MAGI1: variants seen among roughly 807,000 people sequenced by gnomAD.
MAGI1 encodes the protein membrane-associated guanylate kinase, WW and PDZ domain-containing protein 1.
A neutral mutation model predicts 139.9 loss-of-function variants in MAGI1; 58 were observed. The ratio of observed to expected loss-of-function variants is 0.41; its 90% CI spans 0.34 to 0.52. The LOEUF (loss-of-function observed/expected upper bound fraction) is 0.52, where lower values mean the gene tolerates loss of function less well. MAGI1 is among the 20% of genes least tolerant of loss of function. The pLI is 0.12. For synonymous variants in MAGI1, 812 were observed against 737.9 expected (o/e 1.10, Z -1.63); for missense variants, 1,874 against 1,901.6 (o/e 0.99, Z 0.27).
intron 1 of MAGI1, among the ~76,000 whole-genome samples, chr3:65,988,454 G>A (rs2065996980): frequency 6.6e-6 from 1 of 152,166 alleles, no homozygotes; most frequent in African/African-American, 2.4e-5. Context: ...ATCAGCGGCT[G>A]CAAGGCAAGA....
At chr3:65,956,579 C>G (rs2064137989) in intron 1 of MAGI1, among the ~76,000 whole-genome samples, 1 of 152,156 alleles carries the variant, frequency 6.6e-6, no homozygotes, top group Non-Finnish European at 1.5e-5. Flanking sequence ...TCAAAGTAGG[C>G]ATACTTTCAG....
chr3:65,737,267 A>G (rs1424353884), intron 1 of MAGI1, among the ~76,000 whole-genome samples: 1 of 152,228 alleles, frequency 6.6e-6, no homozygotes, highest in African/African-American at 2.4e-5. Context: ...AGCCTCCCAA[A>G]GTGCTGGGAT....
intron 2 of MAGI1, among the ~76,000 whole-genome samples, chr3:65,573,598 A>G (rs1440929066): frequency 6.6e-6 from 1 of 152,040 alleles, no homozygotes; most frequent in East Asian, 1.9e-4. Context: ...CTTCAACCTG[A>G]TGAAAAGAAT....
chr3:65,847,380 G>T (rs2059042197), intron 1 of MAGI1, among the ~76,000 whole-genome samples: 1 of 151,858 alleles, frequency 6.6e-6, no homozygotes, highest in Non-Finnish European at 1.5e-5. Context: ...CCACCTGGTG[G>T]TTTTTTTTCC....
At chr3:65,434,538 A>C (rs762743634) in intron 10 of MAGI1, among the ~76,000 whole-genome samples, 4 of 152,184 alleles carry the variant, frequency 2.6e-5, no homozygotes, top group African/African-American at 9.7e-5. Flanking sequence ...AATTACTACC[A>C]AACAATCTAA....
At chr3:65,686,636 G>A (rs1487048169) in intron 1 of MAGI1, among the ~76,000 whole-genome samples, 1 of 152,126 alleles carries the variant, frequency 6.6e-6, no homozygotes, top group Non-Finnish European at 1.5e-5. Context: ...GATTGTTGCA[G>A]CAACTGGACA....
intron 1 of MAGI1, among the ~76,000 whole-genome samples, chr3:65,848,378 TGA>T (rs1049524973): frequency 6.6e-6 from 1 of 152,178 alleles, no homozygotes; most frequent in African/African-American, 2.4e-5. Context: ...CATCGATATC[TGA>T]TGGCCTGAGA....
intron 2 of MAGI1, among the ~76,000 whole-genome samples, chr3:65,617,753 T>C (rs7613778): frequency 0.77 from 117,537 of 152,092 alleles, 46,208 homozygotes; most frequent in African/African-American, 0.85. Context: ...TTCTCAAATG[T>C]TAAGTAAGGA....
intron 1 of MAGI1, among the ~76,000 whole-genome samples, chr3:65,672,992 G>C (rs1004867700): frequency 6.6e-6 from 1 of 152,092 alleles, no homozygotes; most frequent in Non-Finnish European, 1.5e-5. Flanking sequence ...TGTTATGACA[G>C]GTTCTGCGAA....
intron 1 of MAGI1, among the ~76,000 whole-genome samples, chr3:65,912,730 C>G (rs1289805354): frequency 6.6e-6 from 1 of 151,980 alleles, no homozygotes; most frequent in African/African-American, 2.4e-5. Flanking sequence ...TTATGAGAAT[C>G]AAAAGAAAGC....
At chr3:65,866,030 C>T (rs1475554863) in intron 1 of MAGI1, among the ~76,000 whole-genome samples, 2 of 152,084 alleles carry the variant, frequency 1.3e-5, no homozygotes, top group Non-Finnish European at 2.9e-5. Context: ...GGTTTCAAAA[C>T]ATTATGCACT....
chr3:65,998,832 A>G (rs758835837), intron 1 of MAGI1, among the ~76,000 whole-genome samples: 17 of 151,988 alleles, frequency 1.1e-4, no homozygotes, highest in Non-Finnish European at 1.9e-4. Context: ...TGAGGCTATG[A>G]ACTTTTAAGG....
At chr3:65,477,541 T>C (rs1950961166) in intron 4 of MAGI1, among the ~76,000 whole-genome samples, 1 of 152,026 alleles carries the variant, frequency 6.6e-6, no homozygotes, top group African/African-American at 2.4e-5. Flanking sequence ...AGAAACAAGG[T>C]GTTCGTCTAA....
Position 65,356,489 on chromosome 3 carries a change from G to T in MAGI1, c.4278C>A (p.His1426Gln). 6.2e-7 allele frequency: 1 copy of T among 1,611,728 alleles called. No individual in the cohort carries two copies. The highest frequency in any genetic ancestry group is 8.5e-7 in the Non-Finnish European group (1 of 1,179,964). ...TCAGATTCGCCTCTTCCCTTTCTCGGTGGCTGGCTCTGTCCTCTCTGTTCC... is the reference window on the plus strand; with the variant it reads ...TCAGATTCGCCTCTTCCCTTTCTCGTTGGCTGGCTCTGTCCTCTCTGTTCC... ...DKRNREDRASHREREEANLKQ... is the reference protein window; with the variant it reads ...DKRNREDRASQREREEANLKQ... The change falls in exon 23 of 23, where the codon CAC becomes CAA. Residue 1426 changes from histidine to glutamine, a missense_variant. By Grantham distance (24) the His-to-Gln change is conservative. Around this residue, in one of 5 missense-constraint regions of MAGI1, gnomAD observed 653 missense variants for 644.5 expected, o/e 1.01. Coordinates refer to ENST00000402939, the MANE Select transcript of MAGI1 (RefSeq NM_001033057.2).
At chr3:65,707,506 G>A (rs929905004) in intron 1 of MAGI1, among the ~76,000 whole-genome samples, 1 of 152,024 alleles carries the variant, frequency 6.6e-6, no homozygotes, top group Non-Finnish European at 1.5e-5. Flanking sequence ...GCAACACAGT[G>A]AGACACTGTC....
intron 1 of MAGI1, among the ~76,000 whole-genome samples, chr3:65,777,801 T>C (rs17073759): frequency 6.6e-6 from 1 of 152,166 alleles, no homozygotes; most frequent in African/African-American, 2.4e-5. Context: ...TGTGAACAAT[T>C]TGTAAATGGA....
intron 12 of MAGI1, among the ~76,000 whole-genome samples, chr3:65,420,681 C>T (rs6766152): frequency 0.94 from 143,054 of 152,208 alleles, 67,252 homozygotes; most frequent in Middle Eastern, 0.99. Context: ...AAGCACAGAA[C>T]AATAATTCTA....
chr3:65,485,345 T>C (rs1951559775), intron 3 of MAGI1, among the ~76,000 whole-genome samples: 1 of 152,182 alleles, frequency 6.6e-6, no homozygotes, highest in Non-Finnish European at 1.5e-5. Flanking sequence ...TAGCAGTTTG[T>C]TCTTGCCAGT....
intron 1 of MAGI1, among the ~76,000 whole-genome samples, chr3:65,692,537 G>T (rs2088773347): frequency 6.6e-6 from 1 of 152,116 alleles, no homozygotes; most frequent in African/African-American, 2.4e-5. Context: ...GATAGCCAGT[G>T]TCATCACCAA....
Sources: allele counts gnomAD v4.1 joint callset (sites outside exome capture counted in the v4.1 genomes callset), GRCh38; gene constraint gnomAD v4.1.1; regional missense constraint gnomAD v4.1.1; transcripts MANE v1.5; gene names NCBI Gene and HGNC (gene_info 2026-07-23, HGNC 2026-07-21).